The following ENTHD1 variants were observed in gnomAD, a reference collection of about 807,000 sequenced individuals.
ENTHD1 encodes the protein ENTH domain-containing protein 1.
A neutral mutation model predicts 39.1 loss-of-function variants in ENTHD1; 23 were observed. The ratio of observed to expected loss-of-function variants is 0.59; its 90% confidence interval spans 0.42 to 0.83. ENTHD1 has a LOEUF of 0.83. Ranked by LOEUF, ENTHD1 falls within the 40% of genes least tolerant of loss-of-function variation. ENTHD1 has a pLI of 0.00. For missense variants in ENTHD1, 624 were observed against 705.4 expected (o/e 0.88, Z 1.31); for synonymous variants, 230 against 258.2 (o/e 0.89, Z 1.05).
chr22:39,805,265 C>T (rs2146622868), intron 5 of ENTHD1, among the ~76,000 whole-genome samples: 1 of 152,322 alleles, frequency 6.6e-6, no homozygotes, highest in South Asian at 2.1e-4. Context: ...ATTCCCTCAA[C>T]CCTCTTCACC....
chr22:39,829,508 G>T (rs2065850827), intron 4 of ENTHD1, among the ~76,000 whole-genome samples: 1 of 152,110 alleles, frequency 6.6e-6, no homozygotes. Flanking sequence ...ATTTTGGCTG[G>T]GCACGGTAGC....
chr22:39,801,700 T>C (rs1315157950), intron 5 of ENTHD1, among the ~76,000 whole-genome samples: 1 of 152,222 alleles, frequency 6.6e-6, no homozygotes, highest in Non-Finnish European at 1.5e-5. Context: ...AACTTAAACA[T>C]GTTGAGCTGT....
chr22:39,797,057 A>T (rs1171546640), intron 5 of ENTHD1, among the ~76,000 whole-genome samples: 1 of 152,216 alleles, frequency 6.6e-6, no homozygotes, highest in African/African-American at 2.4e-5. Flanking sequence ...GTGTTGGTAC[A>T]TATATATTTA....
chr22:39,853,250 C>T (rs1021861421), intron 3 of ENTHD1, among the ~76,000 whole-genome samples: 2 of 152,084 alleles, frequency 1.3e-5, no homozygotes, highest in African/African-American at 2.4e-5. Flanking sequence ...TTTCTAGTCA[C>T]AAAAATTTCA....
At chr22:39,873,831 T>C (rs1392313171) in intron 2 of ENTHD1, among the ~76,000 whole-genome samples, 3 of 152,194 alleles carry the variant, frequency 2.0e-5, no homozygotes, top group Non-Finnish European at 4.4e-5. Context: ...GAAGAAAACA[T>C]AGAACATATT....
chr22:39,857,704 T>C (rs1338872837), intron 3 of ENTHD1, among the ~76,000 whole-genome samples: 1 of 152,116 alleles, frequency 6.6e-6, no homozygotes, highest in Non-Finnish European at 1.5e-5. Flanking sequence ...AAAGCAAATA[T>C]TCCAATAAAG....
intron 6 of ENTHD1, among the ~76,000 whole-genome samples, chr22:39,752,867 C>G (rs1421010052): frequency 1.3e-5 from 2 of 152,218 alleles, no homozygotes; most frequent in African/African-American, 2.4e-5. Context: ...GCCAGCCTGA[C>G]CAGTAACTCA....
At chr22:39,879,438 G>C (rs995141077) in intron 2 of ENTHD1, among the ~76,000 whole-genome samples, 15 of 142,732 alleles carry the variant, frequency 1.1e-4, no homozygotes, top group Non-Finnish European at 2.3e-4. Context: ...ACTCCAGCCT[G>C]GGTGACAGAG....
chr22:39,820,863 C>A, intron 5 of ENTHD1, 130 bp downstream of exon 5: 1 of 880,782 alleles, frequency 1.1e-6, no homozygotes, highest in Non-Finnish European at 1.7e-6. Context: ...GATTATAGGA[C>A]CATGTTGTGG....
At chr22:39,747,542 A>AT (rs902863702) in intron 6 of ENTHD1, among the ~76,000 whole-genome samples, 7 of 152,254 alleles carry the variant, frequency 4.6e-5, no homozygotes, top group African/African-American at 1.7e-4. Flanking sequence ...ATTATGTTAA[A>AT]TTTTGAGTAT....
Position 39,757,547 on chromosome 22 carries a change from C to T in ENTHD1, c.1219+7676G>A, listed in dbSNP as rs186015309. ...CAAAAATTAGCTGGGCATGGTGGCA[C>T]GTGCCTGTAATCCCAGCTACTCAGG... is the stretch of plus-strand genomic sequence containing the variant. On this transcript the variant is annotated intron_variant, in intron 6 of 6. Transcript: ENST00000325157. Among the ~76,000 whole-genome samples the T allele has an allele frequency of 1.1e-4, 17 of 152,076 alleles. No homozygotes were observed. In the East Asian group the frequency reaches 1.9e-3, roughly 17 times the overall value.
chr22:39,832,196 A>AGCT (rs2065874498), intron 4 of ENTHD1, among the ~76,000 whole-genome samples: 1 of 152,174 alleles, frequency 6.6e-6, no homozygotes, highest in Admixed American at 6.5e-5. Context: ...ATGCACTCCC[A>AGCT]GCTGCTTGGG....
chr22:39,843,157 A>G (rs1282526798), intron 3 of ENTHD1, among the ~76,000 whole-genome samples: 1 of 152,178 alleles, frequency 6.6e-6, no homozygotes, highest in Non-Finnish European at 1.5e-5. Flanking sequence ...AGACACATGC[A>G]CATGTATGTT....
intron 6 of ENTHD1, among the ~76,000 whole-genome samples, chr22:39,760,145 G>A (rs1471353606): frequency 1.3e-5 from 2 of 151,912 alleles, no homozygotes; most frequent in Non-Finnish European, 2.9e-5. Flanking sequence ...ATTTGAAGTA[G>A]GGTAATGTTT....
At chr22:39,838,533 A>G (rs564028456) in intron 3 of ENTHD1, among the ~76,000 whole-genome samples, 17 of 152,298 alleles carry the variant, frequency 1.1e-4, no homozygotes, top group East Asian at 1.9e-4. Flanking sequence ...AAATATAAAT[A>G]AAATAGAGGC....
At chr22:39,800,914 G>A (rs2065593697) in intron 5 of ENTHD1, among the ~76,000 whole-genome samples, 1 of 152,156 alleles carries the variant, frequency 6.6e-6, no homozygotes, top group Non-Finnish European at 1.5e-5. Context: ...TTACCCTGGC[G>A]ACAATGAAAT....
At chr22:39,807,412 T>C (rs2065651447) in intron 5 of ENTHD1, among the ~76,000 whole-genome samples, 1 of 147,676 alleles carries the variant, frequency 6.8e-6, no homozygotes, top group African/African-American at 2.5e-5. Context: ...GACTGAACAA[T>C]AAACATATGG....
intron 4 of ENTHD1, among the ~76,000 whole-genome samples, chr22:39,825,899 T>C (rs1486473821): frequency 6.6e-6 from 1 of 151,730 alleles, no homozygotes; most frequent in Non-Finnish European, 1.5e-5. Context: ...TGAGACAGAG[T>C]CTCACTCACT....
At chr22:39,752,483 A>T (rs1244085929) in intron 6 of ENTHD1, among the ~76,000 whole-genome samples, 1 of 152,236 alleles carries the variant, frequency 6.6e-6, no homozygotes, top group East Asian at 1.9e-4. Context: ...AGTGGTGATG[A>T]TTTCACAACT....
Sources: allele counts gnomAD v4.1 joint callset (sites outside exome capture counted in the v4.1 genomes callset), GRCh38; gene constraint gnomAD v4.1.1; transcripts MANE v1.5; gene names NCBI Gene and HGNC (gene_info 2026-07-23, HGNC 2026-07-21).